ELMOD1: variants seen among roughly 807,000 people sequenced by gnomAD.
The protein encoded by ELMOD1 is ELMO domain-containing protein 1.
ELMOD1 carries 21 observed loss-of-function variants against 46.7 expected under a neutral mutation model. The observed-to-expected ratio is 0.45, with a 90% CI of 0.32 to 0.65. The LOEUF is 0.65. ELMOD1 is among the 30% of genes least tolerant of loss of function. The pLI is 0.04. For missense variants in ELMOD1, 348 were observed against 407.8 expected, an observed-to-expected ratio of 0.85 and a Z score of 1.26; for synonymous variants, 122 against 138.2, an observed-to-expected ratio of 0.88 and a Z score of 0.82.
chr11:107,621,388 G>A (rs1009257147), intron 2 of ELMOD1, among the ~76,000 whole-genome samples: 1 of 152,206 alleles, frequency 6.6e-6, no homozygotes, highest in Non-Finnish European at 1.5e-5. Context: ...GTATGATTAG[G>A]TAAATAAGGG....
At position 107,666,108 on chromosome 11, in the gene ELMOD1, C is replaced by G. The variant is rs1866840279; in HGVS notation, c.*911C>G. On this transcript the variant is annotated 3_prime_UTR_variant, in exon 12 of 12. Transcript: ENST00000265840. ...TACAAGAAGTAACTTTAGGTAGGAG[C>G]TGTTTTTGTTTGAAGTACTGCAAAA... The G allele has an allele frequency of 6.6e-6, 1 of 152,274 alleles. No individual in the cohort carries two copies. The highest frequency in any genetic ancestry group is 1.9e-4 in the East Asian group (1 of 5,192). 9.4% of individuals were successfully genotyped at this position (152,274 alleles called of 1,614,324 possible). A position where few individuals can be genotyped will look rare whatever the true frequency, so the allele number is the denominator to read the frequency against.
intron 6 of ELMOD1, among the ~76,000 whole-genome samples, chr11:107,636,007 G>A (rs147335987): frequency 3.0e-3 from 455 of 152,308 alleles, no homozygotes; most frequent in African/African-American, 0.01. Flanking sequence ...CTGAGAAAAC[G>A]TCAGAGGTGA....
chr11:107,655,101 C>T (rs1007758798), intron 10 of ELMOD1, among the ~76,000 whole-genome samples: 3 of 152,130 alleles, frequency 2.0e-5, no homozygotes, highest in Non-Finnish European at 2.9e-5. Flanking sequence ...TCTTATTACT[C>T]TAGCATGCTC....
intron 9 of ELMOD1, 148 bp downstream of exon 9, chr11:107,651,056 G>A: frequency 2.2e-6 from 1 of 456,238 alleles, no homozygotes; most frequent in Non-Finnish European, 3.5e-6. Context: ...ATTATAGCTG[G>A]GCTATGTTTT....
intron 1 of ELMOD1, among the ~76,000 whole-genome samples, chr11:107,601,877 A>G (rs984898506): frequency 1.3e-5 from 2 of 152,082 alleles, no homozygotes; most frequent in Non-Finnish European, 2.9e-5. Flanking sequence ...CTTAAGCTCT[A>G]ATGCACTCTG....
intron 1 of ELMOD1, among the ~76,000 whole-genome samples, chr11:107,614,004 C>G (rs1865820673): frequency 6.6e-6 from 1 of 152,140 alleles, no homozygotes; most frequent in South Asian, 2.1e-4. Flanking sequence ...TTTTTATACC[C>G]AGATCCCCAA....
chr11:107,655,869 C>G, intron 10 of ELMOD1, 64 bp from the exon 11 acceptor site: 4 of 1,529,388 alleles, frequency 2.6e-6, no homozygotes, highest in Non-Finnish European at 3.5e-6. Flanking sequence ...TTTTAGCATG[C>G]TAATGGGAAA....
At chr11:107,601,458 C>T (rs553541122) in intron 1 of ELMOD1, among the ~76,000 whole-genome samples, 11 of 148,430 alleles carry the variant, frequency 7.4e-5, no homozygotes, top group Non-Finnish European at 1.3e-4. Context: ...CTCTGTCGCC[C>T]AGGCTGGAGT....
chr11:107,592,016 C>A, intron 1 of ELMOD1: 1 of 498,724 alleles, frequency 2.0e-6, no homozygotes, highest in Admixed American at 2.0e-5. Context: ...AATTGGACAG[C>A]CGAGTGGGGA....
intron 6 of ELMOD1, among the ~76,000 whole-genome samples, chr11:107,640,526 C>T (rs1372357759): frequency 2.0e-5 from 3 of 152,030 alleles, no homozygotes; most frequent in African/African-American, 4.8e-5. Flanking sequence ...CGGTATACTA[C>T]GAGTCCCACA....
intron 9 of ELMOD1, among the ~76,000 whole-genome samples, chr11:107,651,874 C>T (rs534128575): frequency 6.6e-6 from 1 of 152,266 alleles, no homozygotes; most frequent in South Asian, 2.1e-4. Context: ...TGGAGGGGGA[C>T]TGACTTTGTC....
intron 11 of ELMOD1, among the ~76,000 whole-genome samples, chr11:107,659,091 A>G (rs912732734): frequency 8.5e-5 from 13 of 152,208 alleles, no homozygotes; most frequent in East Asian, 1.9e-4. Flanking sequence ...GGTGAAGGCC[A>G]TAAAGCAAAA....
At chr11:107,625,525 C>T (rs961076960) in intron 2 of ELMOD1, 2 of 985,264 alleles carry the variant, frequency 2.0e-6, no homozygotes, top group Middle Eastern at 5.2e-4. Flanking sequence ...CATAGTGTTG[C>T]ATTACAGGTA....
At chr11:107,637,063 A>G (rs1287782692) in intron 6 of ELMOD1, among the ~76,000 whole-genome samples, 1 of 152,274 alleles carries the variant, frequency 6.6e-6, no homozygotes, top group Admixed American at 6.5e-5. Context: ...GTGCTGGCAC[A>G]TAATGGGTTT....
chr11:107,654,901 A>G (rs1866599404), intron 10 of ELMOD1, among the ~76,000 whole-genome samples: 1 of 152,104 alleles, frequency 6.6e-6, no homozygotes, highest in South Asian at 2.1e-4. Flanking sequence ...ATTTCTGAAT[A>G]GAGAATTTTT....
intron 1 of ELMOD1, among the ~76,000 whole-genome samples, chr11:107,614,930 G>A (rs1399874995): frequency 6.6e-6 from 1 of 151,970 alleles, no homozygotes; most frequent in Non-Finnish European, 1.5e-5. Context: ...CTACATCTAG[G>A]CTAAGCATCT....
At chr11:107,625,337 A>T in intron 2 of ELMOD1, 3 of 917,514 alleles carry the variant, frequency 3.3e-6, no homozygotes, top group Non-Finnish European at 3.9e-6. Flanking sequence ...TGAACCAAGA[A>T]CTGTGATTAT....
chr11:107,648,984 T>C (rs141564715), intron 7 of ELMOD1, among the ~76,000 whole-genome samples: 4,309 of 152,278 alleles, frequency 0.028, 69 homozygotes, highest in South Asian at 0.078. Flanking sequence ...AGAAGTTAAT[T>C]AAGCCTTACT....
intron 1 of ELMOD1, chr11:107,591,898 C>A: frequency 2.0e-6 from 1 of 494,736 alleles, no homozygotes; most frequent in Admixed American, 2.2e-5. Context: ...GGGTCCTCCG[C>A]GCAGCGAGCT....
Sources: allele counts gnomAD v4.1 joint callset (sites outside exome capture counted in the v4.1 genomes callset), GRCh38; gene constraint gnomAD v4.1.1; transcripts MANE v1.5; gene names NCBI Gene and HGNC (gene_info 2026-07-23, HGNC 2026-07-21).